Variants in DNAJC15 observed in about 807,000 individuals in gnomAD.
The protein encoded by DNAJC15 is dnaJ homolog subfamily C member 15.
A neutral mutation model predicts 22.4 loss-of-function variants in DNAJC15; 27 were observed. The observed-to-expected ratio is 1.20, with a 90% CI of 0.89 to 1.66. The LOEUF (loss-of-function observed/expected upper bound fraction) is 1.66, where lower values mean the gene tolerates loss of function less well. DNAJC15 is among the 40% of genes most tolerant of loss of function. The probability of loss-of-function intolerance (pLI) is 0.00; values close to 1 mark genes in which losing one functional copy is unlikely to be tolerated. For missense variants in DNAJC15, 208 were observed against 187.1 expected (o/e 1.11, Z -0.65); for synonymous variants, 79 against 63.2 (o/e 1.25, Z -1.19).
intron 4 of DNAJC15, 170 bp downstream of exon 4, chr13:43,078,858 C>A: frequency 2.2e-6 from 1 of 463,026 alleles, no homozygotes. Flanking sequence ...ATCCCACTCC[C>A]CTAAAAAAAC....
intron 5 of DNAJC15, among the ~76,000 whole-genome samples, chr13:43,088,954 T>C (rs539275398): frequency 6.6e-6 from 1 of 152,220 alleles, no homozygotes; most frequent in East Asian, 1.9e-4. Context: ...ATTTTTTTGG[T>C]AAAGAGAAAA....
In DNAJC15 at chr13:43,061,521, A is replaced by G. The variant is rs143663531; in HGVS notation, c.109-4165A>G. ...AGCAGCTTTGAGAAGAGTTTTTATTAAAGAGGCATTGATGATGGAGGACCC... is the reference window on the plus strand; with the variant it reads ...AGCAGCTTTGAGAAGAGTTTTTATTGAAGAGGCATTGATGATGGAGGACCC... On this transcript the variant is annotated intron_variant, in intron 1 of 5. Transcript: ENST00000379221. Among the ~76,000 whole-genome samples the G allele has an allele frequency of 3.5e-3, 538 of 152,302 alleles. 2 individuals are homozygous for G. Among genetic ancestry groups the G allele is most frequent in the Middle Eastern group, 0.01 (3 of 294 alleles).
chr13:43,082,226 G>C (rs889321005), intron 4 of DNAJC15, among the ~76,000 whole-genome samples: 3 of 152,034 alleles, frequency 2.0e-5, no homozygotes, highest in African/African-American at 4.8e-5. Context: ...TTTGCCAGAA[G>C]GTCCAAGAAC....
chr13:43,083,984 G>A (rs1359623517), intron 4 of DNAJC15, among the ~76,000 whole-genome samples: 5 of 152,186 alleles, frequency 3.3e-5, no homozygotes, highest in Non-Finnish European at 5.9e-5. Flanking sequence ...TGTGCTTGGT[G>A]ATCTATCACT....
intron 3 of DNAJC15, among the ~76,000 whole-genome samples, chr13:43,069,536 A>T (rs1356264478): frequency 6.6e-6 from 1 of 152,148 alleles, no homozygotes; most frequent in Non-Finnish European, 1.5e-5. Context: ...CATTATAGCT[A>T]CTCTGGGGAG....
At chr13:43,090,102 A>G (rs1425568810) in intron 5 of DNAJC15, among the ~76,000 whole-genome samples, 1 of 152,248 alleles carries the variant, frequency 6.6e-6, no homozygotes, top group African/African-American at 2.4e-5. Flanking sequence ...TATTTGAGCA[A>G]TGAATGATTC....
At chr13:43,066,730 C>T (rs893652705) in intron 2 of DNAJC15, among the ~76,000 whole-genome samples, 1 of 152,172 alleles carries the variant, frequency 6.6e-6, no homozygotes, top group Admixed American at 6.5e-5. Context: ...TCATGCCATT[C>T]TCCTGCCTCA....
chr13:43,027,859 G>A (rs1184356316), intron 1 of DNAJC15, among the ~76,000 whole-genome samples: 3 of 152,120 alleles, frequency 2.0e-5, no homozygotes, highest in Non-Finnish European at 2.9e-5. Context: ...GTTTCCCCAT[G>A]TCAGCCAGGC....
chr13:43,052,723 A>G (rs558469390), intron 1 of DNAJC15, among the ~76,000 whole-genome samples: 2 of 152,216 alleles, frequency 1.3e-5, no homozygotes, highest in South Asian at 4.1e-4. Context: ...GGCCATTAGC[A>G]TAATTTTTGA....
Position 43,110,828 on chromosome 13 carries a change from T to A in DNAJC15, c.*3580T>A. ...TGGCAGTAGGCTTATAAAACTGAAT[T>A]TTCACCAGCCACACCCTCCCCCCAA... On this transcript the variant is annotated 3_prime_UTR_variant, in exon 6 of 6. Transcript: ENST00000379221. 6.6e-6 allele frequency: 1 copy of A among 152,116 alleles called. No individual in the cohort carries two copies. The highest frequency in any genetic ancestry group is 1.9e-4 in the East Asian group (1 of 5,196). 9.4% of individuals were successfully genotyped at this position (152,116 alleles called of 1,614,324 possible). A position where few individuals can be genotyped will look rare whatever the true frequency, so the allele number is the denominator to read the frequency against.
intron 5 of DNAJC15, among the ~76,000 whole-genome samples, chr13:43,096,726 G>T (rs1274214322): frequency 6.6e-6 from 1 of 152,218 alleles, no homozygotes; most frequent in Non-Finnish European, 1.5e-5. Context: ...GAGGTGGTCT[G>T]ATTTTTCACC....
At chr13:43,084,490 A>G (rs1335008053) in intron 4 of DNAJC15, among the ~76,000 whole-genome samples, 1 of 152,234 alleles carries the variant, frequency 6.6e-6, no homozygotes, top group Non-Finnish European at 1.5e-5. Context: ...GTAAAAGCAC[A>G]TGCTTTTAGC....
At position 43,065,757 on chromosome 13, in the gene DNAJC15, C is replaced by T; in HGVS notation, c.160+20C>T. ...TTGCAGGTAAGATAAAGAATACATA[C>T]CAATAAATTGCAGGAGAAATCTTTC... On this transcript the variant is annotated intron_variant, in intron 2 of 5. Coordinates refer to ENST00000379221, the MANE Select transcript of DNAJC15 (RefSeq NM_013238.3). 1 of 1,609,696 alleles carries T rather than the reference C, an allele frequency of 6.2e-7. No homozygotes were observed. Among genetic ancestry groups the T allele is most frequent in the Non-Finnish European group, 8.5e-7 (1 of 1,176,852 alleles).
Position 43,082,844 on chromosome 13 carries a change from C to CTATATA in DNAJC15, c.312-2913_312-2908dup, listed in dbSNP as rs3043164. Among the ~76,000 whole-genome samples the CTATATA allele has an allele frequency of 8.6e-3, 1,076 of 124,522 alleles. 33 individuals carry two copies. The South Asian group carries it at 0.11, about 13-fold the overall frequency. The allele number at this position is 124,522 out of a possible 152,430, so 81.7% of individuals were successfully genotyped here. On this transcript the variant is annotated intron_variant, in intron 4 of 5. Coordinates refer to ENST00000379221, the MANE Select transcript of DNAJC15 (RefSeq NM_013238.3). ...TACAATGGTTCAGCAGAACATTCAC[C>CTATATA]TATATATATATATATACACACATAT...
intron 1 of DNAJC15, among the ~76,000 whole-genome samples, chr13:43,034,491 A>G (rs1566199976): frequency 6.7e-6 from 1 of 149,846 alleles, no homozygotes; most frequent in Non-Finnish European, 1.5e-5. Context: ...AATTTTTTGA[A>G]TTTTTAGTAG....
At chr13:43,026,987 A>T (rs1301130473) in intron 1 of DNAJC15, among the ~76,000 whole-genome samples, 3 of 152,206 alleles carry the variant, frequency 2.0e-5, no homozygotes, top group Non-Finnish European at 4.4e-5. Context: ...TGCTTAGGAG[A>T]TTAAAATAAT....
intron 1 of DNAJC15, among the ~76,000 whole-genome samples, chr13:43,058,740 C>A (rs2153440563): frequency 6.6e-6 from 1 of 152,308 alleles, no homozygotes; most frequent in African/African-American, 2.4e-5. Context: ...CAGTGGCAAC[C>A]CTCCCGAAGG....
intron 5 of DNAJC15, 30 bp downstream of exon 5, chr13:43,085,868 G>A (rs756655319): frequency 1.0e-5 from 16 of 1,572,670 alleles, no homozygotes; most frequent in East Asian, 6.7e-5. Context: ...TTCATAATAT[G>A]TATATCAAAA....
intron 2 of DNAJC15, among the ~76,000 whole-genome samples, chr13:43,065,995 A>G (rs2040581748): frequency 6.6e-6 from 1 of 152,160 alleles, no homozygotes; most frequent in South Asian, 2.1e-4. Flanking sequence ...ATTTTTTTTC[A>G]GTTTGAAGTA....
Sources: gnomAD v4.1 joint callset for allele counts (sites outside exome capture counted in the v4.1 genomes callset) on GRCh38, gnomAD v4.1.1 for gene constraint, MANE v1.5 for transcripts, NCBI Gene and HGNC (gene_info 2026-07-23, HGNC 2026-07-21) for gene names.